BAIAP2: variants seen among roughly 807,000 people sequenced by gnomAD.
The protein encoded by BAIAP2 is BAR/IMD domain-containing adapter protein 2.
BAIAP2 carries 18 observed loss-of-function variants against 63.0 expected under a neutral mutation model. The observed-to-expected ratio is 0.29, with a 90% CI of 0.20 to 0.42. The LOEUF is 0.42. Among genes scored for constraint, BAIAP2 ranks in the 10% least tolerant of loss-of-function variants. The pLI is 1.00. For missense variants in BAIAP2, 610 were observed against 734.3 expected, an observed-to-expected ratio of 0.83 and a Z score of 1.96; for synonymous variants, 386 against 307.6, an observed-to-expected ratio of 1.25 and a Z score of -2.67.
At chr17:81,106,627 C>T (rs2059215206) in intron 11 of BAIAP2, 118 bp from the exon 12 acceptor site, 2 of 1,233,220 alleles carry the variant, frequency 1.6e-6, no homozygotes, top group Non-Finnish European at 2.3e-6. Flanking sequence ...GGCCTGAGAG[C>T]AGCCTCCCCG....
chr17:81,067,579 C>T (rs1012637915), intron 3 of BAIAP2, among the ~76,000 whole-genome samples: 7 of 57,300 alleles, frequency 1.2e-4, no homozygotes, highest in African/African-American at 2.7e-4. Flanking sequence ...TCTGGCTGCT[C>T]GTGGTTTGAT....
intron 1 of BAIAP2, among the ~76,000 whole-genome samples, chr17:81,051,333 C>T (rs1438063504): frequency 6.6e-6 from 1 of 152,192 alleles, no homozygotes; most frequent in East Asian, 1.9e-4. Context: ...ACGCCAGGGC[C>T]CTTGGCTAAA....
chr17:81,085,875 G>A (rs2055526637), intron 5 of BAIAP2, 150 bp downstream of exon 5: 1 of 650,284 alleles, frequency 1.5e-6, no homozygotes, highest in Non-Finnish European at 2.7e-6. Flanking sequence ...TGTCCATTTG[G>A]GACCGAGTGC....
At chr17:81,104,863 A>G in intron 10 of BAIAP2, 148 bp downstream of exon 10, 1 of 861,326 alleles carries the variant, frequency 1.2e-6, no homozygotes, top group Non-Finnish European at 1.8e-6. Flanking sequence ...CAGTGAGAGC[A>G]AGCGTGACCT....
chr17:81,104,913 G>T (rs1355812299), intron 10 of BAIAP2, among the ~76,000 whole-genome samples, 198 bp downstream of exon 10: 3 of 152,040 alleles, frequency 2.0e-5, no homozygotes, highest in African/African-American at 7.2e-5. Flanking sequence ...CCCCTGGCAG[G>T]GGTCTTCGCC....
At chr17:81,097,259 G>A (rs905968106) in intron 6 of BAIAP2, among the ~76,000 whole-genome samples, 16 of 152,350 alleles carry the variant, frequency 1.1e-4, no homozygotes, top group African/African-American at 3.8e-4. Flanking sequence ...TGGGCTGCAA[G>A]GGCAGGGGAG....
intron 1 of BAIAP2, among the ~76,000 whole-genome samples, chr17:81,050,974 G>A (rs1004505820): frequency 6.6e-6 from 1 of 151,782 alleles, no homozygotes; most frequent in Admixed American, 6.6e-5. Flanking sequence ...TGCCGAGAGC[G>A]CACCAGGTCC....
At chr17:81,082,056 C>G (rs1400037808) in intron 3 of BAIAP2, among the ~76,000 whole-genome samples, 1 of 152,076 alleles carries the variant, frequency 6.6e-6, no homozygotes, top group Admixed American at 6.5e-5. Context: ...GCCTGTCCTG[C>G]TCCCTCCTGG....
intron 3 of BAIAP2, among the ~76,000 whole-genome samples, chr17:81,082,415 G>A (rs1215336505): frequency 6.6e-6 from 1 of 152,140 alleles, no homozygotes; most frequent in African/African-American, 2.4e-5. Flanking sequence ...CATCTTCGCA[G>A]GCAGAGGGTG....
chr17:81,112,709 C>T (rs370668820), intron 13 of BAIAP2, among the ~76,000 whole-genome samples: 2 of 152,242 alleles, frequency 1.3e-5, no homozygotes, highest in East Asian at 1.9e-4. Context: ...TTTGTGACGG[C>T]TCCGTTTCTT....
At chr17:81,037,068 A>G in intron 1 of BAIAP2, 2 of 926,878 alleles carry the variant, frequency 2.2e-6, no homozygotes, top group Non-Finnish European at 3.3e-6. Context: ...GCTGTAATTT[A>G]TCTGCAGGTC....
chr17:81,064,320 G>A (rs1457274555), intron 3 of BAIAP2, among the ~76,000 whole-genome samples: 4 of 152,048 alleles, frequency 2.6e-5, no homozygotes, highest in Non-Finnish European at 5.9e-5. Flanking sequence ...TAGCCCTCAC[G>A]GGGAGGTCCT....
intron 5 of BAIAP2, 134 bp downstream of exon 5, chr17:81,085,859 C>T (rs2055521734): frequency 1.4e-6 from 1 of 689,868 alleles, no homozygotes. Flanking sequence ...CCAGCTCTGA[C>T]TTTATTGTCC....
intron 6 of BAIAP2, among the ~76,000 whole-genome samples, chr17:81,091,994 G>T (rs889455777): frequency 6.6e-6 from 1 of 152,268 alleles, no homozygotes; most frequent in Non-Finnish European, 1.5e-5. Flanking sequence ...CATCTACAGG[G>T]CCCCCCACCT....
intron 1 of BAIAP2, among the ~76,000 whole-genome samples, chr17:81,050,138 G>T (rs1422629464): frequency 2.0e-5 from 3 of 152,214 alleles, no homozygotes; most frequent in Admixed American, 6.5e-5. Flanking sequence ...TCCACAGAAG[G>T]CCTCTCTGCT....
chr17:81,069,045 A>G (rs188856998), intron 3 of BAIAP2, among the ~76,000 whole-genome samples: 24 of 152,282 alleles, frequency 1.6e-4, no homozygotes, highest in African/African-American at 5.8e-4. Context: ...TCCCGGTGGC[A>G]GGGGCTGGGC....
intron 2 of BAIAP2, among the ~76,000 whole-genome samples, chr17:81,056,175 G>T (rs990405156): frequency 6.6e-6 from 1 of 152,184 alleles, no homozygotes; most frequent in African/African-American, 2.4e-5. Flanking sequence ...GGTGCAGAGG[G>T]CTTCCAACTG....
intron 3 of BAIAP2, chr17:81,082,939 G>A (rs980814546): frequency 6.6e-6 from 1 of 152,510 alleles, no homozygotes; most frequent in East Asian, 1.9e-4. Flanking sequence ...CGGCCTTGTG[G>A]GTTGTGCTGA....
chr17:81,073,279 A>G (rs566960902), intron 3 of BAIAP2, among the ~76,000 whole-genome samples: 1 of 152,126 alleles, frequency 6.6e-6, no homozygotes, highest in Non-Finnish European at 1.5e-5. Context: ...AGGAGTTCAG[A>G]ACTTTTACCA....
Sources: allele counts gnomAD v4.1 joint callset (sites outside exome capture counted in the v4.1 genomes callset), GRCh38; gene constraint gnomAD v4.1.1; transcripts MANE v1.5; gene names NCBI Gene and HGNC (gene_info 2026-07-23, HGNC 2026-07-21).